FCHSD2: variants seen among roughly 807,000 people sequenced by gnomAD.
FCHSD2 encodes the protein F-BAR and double SH3 domains protein 2.
A neutral mutation model predicts 108.1 loss-of-function variants in FCHSD2; 38 were observed. The observed-to-expected ratio is 0.35, with a 90% CI of 0.27 to 0.46. The LOEUF (loss-of-function observed/expected upper bound fraction) is 0.46. Ranked by LOEUF, FCHSD2 falls within the 20% of genes least tolerant of loss-of-function variation. The pLI, the probability that FCHSD2 is intolerant of heterozygous loss-of-function variation, is 1.00. For missense variants in FCHSD2, 751 were observed against 897.8 expected (o/e 0.84, Z 2.09); for synonymous variants, 279 against 314.7 (o/e 0.89, Z 1.20).
intron 8 of FCHSD2, among the ~76,000 whole-genome samples, chr11:72,928,484 TC>T (rs1565327108): frequency 6.6e-6 from 1 of 152,220 alleles, no homozygotes; most frequent in African/African-American, 2.4e-5. Flanking sequence ...AGAATGTCCT[TC>T]CCCCCTTCTC....
intron 13 of FCHSD2, among the ~76,000 whole-genome samples, chr11:72,866,906 T>C (rs1854739744): frequency 1.3e-5 from 2 of 151,936 alleles, no homozygotes; most frequent in Admixed American, 6.6e-5. Flanking sequence ...GTTGGGAGGT[T>C]AGAGTTTTAG....
intron 8 of FCHSD2, among the ~76,000 whole-genome samples, chr11:72,928,282 A>G (rs1480944915): frequency 1.3e-5 from 2 of 152,108 alleles, no homozygotes; most frequent in African/African-American, 4.8e-5. Context: ...CTCCCACTGT[A>G]TATTTTGCAA....
chr11:73,021,946 CCTGTG>C (rs1858119471), intron 3 of FCHSD2, among the ~76,000 whole-genome samples: 1 of 151,662 alleles, frequency 6.6e-6, no homozygotes, highest in South Asian at 2.1e-4. Context: ...GTGGTGCACA[CCTGTG>C]GTCTTAGCTA....
chr11:73,034,672 T>C (rs371268181), intron 3 of FCHSD2, among the ~76,000 whole-genome samples: 3 of 152,216 alleles, frequency 2.0e-5, no homozygotes, highest in Admixed American at 2.0e-4. Flanking sequence ...ATCGCCTACA[T>C]TGTTGAAGTT....
At chr11:73,104,473 T>G (rs940705523) in intron 2 of FCHSD2, among the ~76,000 whole-genome samples, 1 of 152,092 alleles carries the variant, frequency 6.6e-6, no homozygotes, top group African/African-American at 2.4e-5. Context: ...TTTCACCATG[T>G]TGGCCAGGGT....
At chr11:72,911,243 T>C (rs896916002) in intron 9 of FCHSD2, among the ~76,000 whole-genome samples, 3 of 152,200 alleles carry the variant, frequency 2.0e-5, no homozygotes, top group Admixed American at 1.3e-4. Context: ...ATTGAAGAGA[T>C]TGTCCTTTCT....
intron 3 of FCHSD2, among the ~76,000 whole-genome samples, chr11:73,027,278 GAACTTATTGAGA>G (rs1858251915): frequency 6.6e-6 from 1 of 152,140 alleles, no homozygotes; most frequent in South Asian, 2.1e-4. Context: ...GGGAGAAGAG[GAACTTATTGAGA>G]ACTAGAGCAA....
chr11:72,883,548 ATAGT>A (rs1395660269), intron 12 of FCHSD2, among the ~76,000 whole-genome samples: 3 of 152,250 alleles, frequency 2.0e-5, no homozygotes, highest in Non-Finnish European at 4.4e-5. Context: ...GATGCTCAGC[ATAGT>A]TAGTTAATGT....
chr11:73,122,868 C>G (rs535837470), intron 2 of FCHSD2, among the ~76,000 whole-genome samples: 18 of 152,248 alleles, frequency 1.2e-4, no homozygotes, highest in Middle Eastern at 6.8e-3. Flanking sequence ...AAAGAATCTA[C>G]AAGATATGCA....
At chr11:73,074,235 T>C (rs892395007) in intron 3 of FCHSD2, among the ~76,000 whole-genome samples, 6 of 152,144 alleles carry the variant, frequency 3.9e-5, no homozygotes, top group Non-Finnish European at 5.9e-5. Flanking sequence ...TCAATCCATA[T>C]AGAAAAATAA....
At chr11:73,095,398 T>G (rs1433693468) in intron 2 of FCHSD2, among the ~76,000 whole-genome samples, 1 of 152,196 alleles carries the variant, frequency 6.6e-6, no homozygotes, top group South Asian at 2.1e-4. Flanking sequence ...AGTAAATGAA[T>G]GTGCAAAACA....
chr11:73,098,871 G>C (rs546790890), intron 2 of FCHSD2, among the ~76,000 whole-genome samples: 1 of 152,236 alleles, frequency 6.6e-6, no homozygotes, highest in Admixed American at 6.5e-5. Context: ...TCCTAGATGG[G>C]AAACCAAAAG....
chr11:72,921,783 C>A, intron 9 of FCHSD2, 45 bp downstream of exon 9: 1 of 1,539,914 alleles, frequency 6.5e-7, no homozygotes. Context: ...AATACTTTAG[C>A]TTCTAAGTTG....
At chr11:72,903,407 G>A (rs1043430131) in intron 9 of FCHSD2, among the ~76,000 whole-genome samples, 1 of 152,058 alleles carries the variant, frequency 6.6e-6, no homozygotes, top group Non-Finnish European at 1.5e-5. Flanking sequence ...TTTTAGTAGA[G>A]ATGGGGTTTC....
chr11:72,899,898 T>A (rs1045304112), intron 10 of FCHSD2, among the ~76,000 whole-genome samples: 1 of 152,156 alleles, frequency 6.6e-6, no homozygotes, highest in African/African-American at 2.4e-5. Flanking sequence ...AGACATAACA[T>A]TACTATTGCA....
chr11:72,873,575 T>C (rs1352026977), intron 12 of FCHSD2, among the ~76,000 whole-genome samples: 1 of 152,236 alleles, frequency 6.6e-6, no homozygotes, highest in Non-Finnish European at 1.5e-5. Context: ...ATGAAAGTTT[T>C]AAATTTTGAT....
intron 2 of FCHSD2, among the ~76,000 whole-genome samples, chr11:73,089,618 A>G (rs1402169781): frequency 1.3e-5 from 2 of 152,254 alleles, no homozygotes; most frequent in African/African-American, 2.4e-5. Flanking sequence ...AGAATGAAGT[A>G]CTGATACATG....
At chr11:72,893,091 C>T (rs976145428) in intron 10 of FCHSD2, among the ~76,000 whole-genome samples, 13 of 152,150 alleles carry the variant, frequency 8.5e-5, no homozygotes, top group Non-Finnish European at 1.2e-4. Context: ...CTCTGCCTCT[C>T]GGGTTCAAGA....
At chr11:72,840,591 C>T (rs1361483281) in intron 19 of FCHSD2, among the ~76,000 whole-genome samples, 3 of 152,198 alleles carry the variant, frequency 2.0e-5, no homozygotes, top group Non-Finnish European at 2.9e-5. Flanking sequence ...ACAATTAGCC[C>T]GCTTTAATGC....
Sources: allele counts gnomAD v4.1 joint callset (sites outside exome capture counted in the v4.1 genomes callset), GRCh38; gene constraint gnomAD v4.1.1; transcripts MANE v1.5; gene names NCBI Gene and HGNC (gene_info 2026-07-23, HGNC 2026-07-21).